The following RBM33 variants were observed in gnomAD, a reference collection of about 807,000 sequenced individuals.
The protein encoded by RBM33 is RNA binding motif protein 33.
In RBM33, 28 loss-of-function variants were observed where a neutral mutation model predicts 132.6. The observed-to-expected ratio is 0.21, with a 90% CI of 0.16 to 0.29. The LOEUF is 0.29. Ranked by LOEUF, RBM33 falls within the 10% of genes least tolerant of loss-of-function variation. The pLI, the probability that RBM33 is intolerant of heterozygous loss-of-function variation, is 1.00. For synonymous variants in RBM33, 634 were observed against 593.0 expected, an observed-to-expected ratio of 1.07 and a Z score of -1.01; for missense variants, 1,291 against 1,518.5, an observed-to-expected ratio of 0.85 and a Z score of 2.49.
Position 155,690,873 on chromosome 7 carries a change from C to T in RBM33, c.568-9900C>T, listed in dbSNP as rs1172927220. Reference sequence around the variant, plus strand: ...GATGGACTTCCCTTTGTGGGTAACCCGACCTTTCTCTCTGGCTACCCTTAA... The same window carrying T: ...GATGGACTTCCCTTTGTGGGTAACCTGACCTTTCTCTCTGGCTACCCTTAA... On this transcript the variant is annotated intron_variant, in intron 5 of 17. Coordinates refer to ENST00000401878, the MANE Select transcript of RBM33 (RefSeq NM_053043.3). Among the ~76,000 whole-genome samples, 9 of 152,120 alleles carry T rather than the reference C, an allele frequency of 5.9e-5. No homozygotes were observed. In the East Asian group the frequency reaches 1.2e-3, roughly 20 times the overall value.
In RBM33 at chr7:155,745,725, T is replaced by C. The variant is rs1285379969; in HGVS notation, c.2979+123T>C. 6.3e-6 allele frequency: 6 copies of C among 955,112 alleles called. No homozygotes were observed. Among genetic ancestry groups the C allele is most frequent in the Non-Finnish European group, 9.2e-6 (6 of 652,938 alleles). The allele number at this position is 955,112 out of a possible 1,614,324, so 59.2% of individuals were successfully genotyped here. ...ACCTCTGTTATAGTCTTGTAACCAA[T>C]CTCTACCTACTTGAAGTTGGTATAA... On this transcript the variant is annotated intron_variant, in intron 14 of 17. Transcript: ENST00000401878. This position sits in a 1 kb window ranked among gnomAD's most constrained non-coding sequence, Gnocchi z 4.1.
intron 14 of RBM33, among the ~76,000 whole-genome samples, chr7:155,762,891 T>C (rs1335967692): frequency 6.6e-6 from 1 of 152,238 alleles, no homozygotes; most frequent in East Asian, 1.9e-4. Flanking sequence ...GCATCCATCC[T>C]GACATAATTC....
chr7:155,770,304 G>A (rs1802376715), intron 16 of RBM33, among the ~76,000 whole-genome samples: 1 of 152,222 alleles, frequency 6.6e-6, no homozygotes, highest in South Asian at 2.1e-4. Context: ...CGCTGGAATC[G>A]TGTGCAGGCT....
At chr7:155,758,387 G>A (rs955708724) in intron 14 of RBM33, among the ~76,000 whole-genome samples, 7 of 152,190 alleles carry the variant, frequency 4.6e-5, no homozygotes, top group African/African-American at 1.2e-4. Context: ...AATGGTTTCA[G>A]GATGAAATTG....
chr7:155,680,268 T>A (rs756609969), intron 4 of RBM33, among the ~76,000 whole-genome samples: 1 of 152,224 alleles, frequency 6.6e-6, no homozygotes, highest in African/African-American at 2.4e-5. Context: ...CTTTTGCCAC[T>A]CAGATGTGTT....
intron 9 of RBM33, among the ~76,000 whole-genome samples, chr7:155,733,107 A>G (rs1316759): frequency 0.24 from 36,637 of 151,970 alleles, 4,692 homozygotes; most frequent in African/African-American, 0.33. Flanking sequence ...CGTTTTCTGT[A>G]GTGATTTTGC....
chr7:155,747,001 A>T (rs1206363010), intron 14 of RBM33, among the ~76,000 whole-genome samples: 7 of 152,198 alleles, frequency 4.6e-5, no homozygotes, highest in African/African-American at 1.7e-4. Context: ...TTAGTTGGTT[A>T]ATTAGCTGAG....
intron 3 of RBM33, among the ~76,000 whole-genome samples, chr7:155,676,583 A>C (rs151065008): frequency 1.4e-3 from 215 of 152,308 alleles, no homozygotes; most frequent in African/African-American, 5.1e-3. Flanking sequence ...GGGAGAAATG[A>C]CCTGTTTGGA....
In RBM33 at chr7:155,739,957, C is replaced by T. The variant is rs376619089; in HGVS notation, c.1980C>T (p.His660=). 1.1e-4 allele frequency: 175 copies of T among 1,560,154 alleles called. No individual in the cohort carries two copies. The highest frequency in any genetic ancestry group is 2.6e-4 in the East Asian group (11 of 41,802). The change falls in exon 12 of 18, where the codon CAC becomes CAT. Residue 660 remains histidine, a synonymous_variant. Transcript: ENST00000401878. ...TGTCTCAGCCACAGTTCCGGCCTCACGTACAGACCGCTCAGCCTCAGGCCA... is the reference window on the plus strand; with the variant it reads ...TGTCTCAGCCACAGTTCCGGCCTCATGTACAGACCGCTCAGCCTCAGGCCA... ...MPMSQPQFRP[H]VQTAQPQASS...
At chr7:155,727,759 T>TA (rs1308730418) in intron 9 of RBM33, among the ~76,000 whole-genome samples, 5 of 152,194 alleles carry the variant, frequency 3.3e-5, no homozygotes, top group Admixed American at 1.3e-4. Flanking sequence ...GCCAAAAAGG[T>TA]AACCGCCCAT....
At chr7:155,659,746 A>G (rs181307845) in intron 1 of RBM33, among the ~76,000 whole-genome samples, 70 of 152,332 alleles carry the variant, frequency 4.6e-4, no homozygotes, top group Admixed American at 3.1e-3. Context: ...ATCCAAGTAC[A>G]CCACACACTG....
At position 155,774,453 on chromosome 7, in the gene RBM33, C is replaced by T. The variant is rs752245954; in HGVS notation, c.3376-106C>T. 5.0e-5 allele frequency: 39 copies of T among 778,266 alleles called. No individual in the cohort carries two copies. The highest frequency in any genetic ancestry group is 4.0e-4 in the Admixed American group (18 of 44,514). The allele number at this position is 778,266 out of a possible 1,614,324, so 48.2% of individuals were successfully genotyped here. On this transcript the variant is annotated intron_variant, in intron 16 of 17. Coordinates refer to ENST00000401878, the MANE Select transcript of RBM33 (RefSeq NM_053043.3). The surrounding 1 kb of genome is among the most constrained non-coding windows in gnomAD (Gnocchi z 4.2). ...AATCAATTAGTGTGTTCCAAATGTC[C>T]GCCTGGACTCATTTTGTGTTAAAAC...
At chr7:155,681,270 G>T (rs890949045) in intron 5 of RBM33, among the ~76,000 whole-genome samples, 20 of 152,344 alleles carry the variant, frequency 1.3e-4, no homozygotes, top group African/African-American at 4.8e-4. Flanking sequence ...AAGGCGAAAA[G>T]ATTATTGACC....
chr7:155,678,302 ATAT>A (rs1212008070), intron 3 of RBM33, among the ~76,000 whole-genome samples: 1 of 152,216 alleles, frequency 6.6e-6, no homozygotes, highest in Admixed American at 6.5e-5. Context: ...TTATAAGGAA[ATAT>A]TATTTGTTCG....
At chr7:155,664,742 A>C (rs1323575237) in intron 1 of RBM33, among the ~76,000 whole-genome samples, 1 of 152,132 alleles carries the variant, frequency 6.6e-6, no homozygotes, top group South Asian at 2.1e-4. Context: ...TCTCTGCATT[A>C]TCTCTATTTT....
rs1023124842 is a variant in RBM33 at position 155,740,011 on chromosome 7, C to T, written c.2034C>T (p.Arg678=). Residue 678 remains arginine (R), a synonymous_variant, in exon 12 of 18, where the codon CGC becomes CGT. Coordinates refer to ENST00000401878, the MANE Select transcript of RBM33 (RefSeq NM_053043.3). The stretch of plus-strand genomic sequence containing the variant: ...GCAGCCGGATGCAGTGCCCCCAGCG[C>T]CAGGGGCTCCGGCATGTAAGTGTCA... The part of the protein sequence containing the change: ...ASSSRMQCPQ[R]QGLRHNTTSQ... 4.5e-6 allele frequency: 7 copies of T among 1,551,300 alleles called. No individual in the cohort carries two copies. The highest frequency in any genetic ancestry group is 6.1e-6 in the Non-Finnish European group (7 of 1,143,950).
chr7:155,680,538 T>G, intron 4 of RBM33, 52 bp from the exon 5 acceptor site: 2 of 1,264,160 alleles, frequency 1.6e-6, no homozygotes, highest in Non-Finnish European at 2.1e-6. Context: ...TGATTTAGTT[T>G]GAGCTCCTCT....
At chr7:155,743,505 C>A (rs1056099086) in intron 13 of RBM33, among the ~76,000 whole-genome samples, 2 of 152,318 alleles carry the variant, frequency 1.3e-5, no homozygotes, top group Non-Finnish European at 2.9e-5. Flanking sequence ...GAAATGGAAC[C>A]TGTAGGTCAC....
chr7:155,720,365 C>A (rs1197684393), intron 9 of RBM33, among the ~76,000 whole-genome samples: 1 of 152,142 alleles, frequency 6.6e-6, no homozygotes, highest in Non-Finnish European at 1.5e-5. Flanking sequence ...TAGAGAAAAT[C>A]ATGAAATGTG....
Sources: gnomAD v4.1 joint callset for allele counts (sites outside exome capture counted in the v4.1 genomes callset) on GRCh38, gnomAD v4.1.1 for gene constraint, Gnocchi (gnomAD v3.1) non-coding constraint, MANE v1.5 for transcripts, NCBI Gene and HGNC (gene_info 2026-07-23, HGNC 2026-07-21) for gene names.